The following ANXA13 variants were observed in gnomAD, a reference collection of about 807,000 sequenced individuals.
ANXA13 encodes annexin A13, also known as annexin XIII.
Under a neutral mutation model 46.6 loss-of-function variants are expected in ANXA13, and 36 were observed. That is an observed-to-expected ratio of 0.77 (90% CI 0.59 to 1.02). The LOEUF is 1.02. Ranked by LOEUF, ANXA13 falls within the 50% of genes least tolerant of loss-of-function variation. The pLI, the probability that ANXA13 is intolerant of heterozygous loss-of-function variation, is 0.00. For synonymous variants in ANXA13, 163 were observed against 152.9 expected (o/e 1.07, Z -0.49); for missense variants, 417 against 396.5 (o/e 1.05, Z -0.44).
At chr8:123,698,252 G>A in intron 4 of ANXA13, 137 bp downstream of exon 4, 1 of 897,312 alleles carries the variant, frequency 1.1e-6, no homozygotes. Flanking sequence ...CTCCCACATG[G>A]ACCAAGCACA....
rs940945951 is a variant in ANXA13 at position 123,693,237 on chromosome 8, C to G, written c.602G>C (p.Ser201Thr). 4.3e-6 allele frequency: 7 copies of G among 1,614,078 alleles called. No homozygotes were observed. In the African/African-American group the frequency reaches 9.3e-5, roughly 22 times the overall value. The change falls in exon 8 of 11, where the codon AGC becomes ACC. Residue 201 changes from serine (S) to threonine (T), a missense_variant. Coordinates refer to ENST00000419625, the MANE Select transcript of ANXA13 (RefSeq NM_004306.4). ...LAFNEVLAKR[S>T]YKQLRATFQA... ...AAAGGTGGCTCGTAACTGCTTGTAGCTCCTCTTGGCCAGGACTTCATTGAA... is the reference window on the plus strand; with the variant it reads ...AAAGGTGGCTCGTAACTGCTTGTAGGTCCTCTTGGCCAGGACTTCATTGAA...
At chr8:123,701,113 C>T (rs970135678) in intron 3 of ANXA13, among the ~76,000 whole-genome samples, 3 of 151,744 alleles carry the variant, frequency 2.0e-5, no homozygotes, top group Non-Finnish European at 4.4e-5. Flanking sequence ...CCTGGACTGA[C>T]TTTTCATATT....
chr8:123,717,787 CG>C (rs1422298930), intron 1 of ANXA13, among the ~76,000 whole-genome samples: 1 of 152,202 alleles, frequency 6.6e-6, no homozygotes, highest in African/African-American at 2.4e-5. Context: ...GACTTTCTGA[CG>C]GGGCGTGTCT....
In ANXA13 at chr8:123,702,700, C is replaced by A. The variant is rs755388667; in HGVS notation, c.128G>T (p.Gly43Val). ...NEAAIIEILS[G>V]RTSDERQQIK... ...TTGTTGCCTCTCATCTGATGTCCTG[C>A]CCGATAAGATTTCAATGATGGCTGC... Residue 43 changes from glycine to valine, a missense_variant, in exon 3 of 11, where the codon GGC becomes GTC. Gly to Val is a moderately radical substitution (Grantham distance 109). Coordinates refer to ENST00000419625, the MANE Select transcript of ANXA13 (RefSeq NM_004306.4). 2 of 1,613,992 alleles carry A rather than the reference C, an allele frequency of 1.2e-6. No homozygotes were observed. Among genetic ancestry groups the A allele is most frequent in the East Asian group, 2.2e-5 (1 of 44,872 alleles).
At chr8:123,735,678 A>G in intron 1 of ANXA13, 2 of 1,453,918 alleles carry the variant, frequency 1.4e-6, no homozygotes, top group Non-Finnish European at 1.8e-6. Context: ...AACATGACAG[A>G]TCACTGGGGG....
rs112185912 is a variant in ANXA13, at chr8:123,684,659, G to A, written c.782C>T (p.Ala261Val). 61 of 1,614,038 alleles carry A rather than the reference G, an allele frequency of 3.8e-5. No homozygotes were observed. The highest frequency in any genetic ancestry group is 2.7e-4 in the East Asian group (12 of 44,882). ...AERLYKSMKG[A>V]GTDEETLIRI... Reference sequence around the variant, plus strand: ...AATCAACGTCTCCTCATCGGTCCCCGCACCCTTCATCGACTTGTACAGACG... The same window carrying A: ...AATCAACGTCTCCTCATCGGTCCCCACACCCTTCATCGACTTGTACAGACG... The change falls in exon 10 of 11, where the codon GCG (alanine) becomes GTG (valine). Residue 261 changes from alanine (A) to valine (V), a missense_variant. Coordinates refer to ENST00000419625, the MANE Select transcript of ANXA13 (RefSeq NM_004306.4).
At chr8:123,734,453 A>G (rs1328309613) in intron 1 of ANXA13, among the ~76,000 whole-genome samples, 1 of 152,132 alleles carries the variant, frequency 6.6e-6, no homozygotes, top group East Asian at 1.9e-4. Context: ...GATTTGGCGG[A>G]TGATAATGAC....
At chr8:123,720,670 G>C (rs1311997377) in intron 1 of ANXA13, among the ~76,000 whole-genome samples, 1 of 151,102 alleles carries the variant, frequency 6.6e-6, no homozygotes, top group African/African-American at 2.4e-5. Flanking sequence ...GTGTGTGTGT[G>C]TGTGTGTGTG....
intron 9 of ANXA13, among the ~76,000 whole-genome samples, chr8:123,688,199 T>C (rs779532422): frequency 5.9e-5 from 9 of 152,186 alleles, no homozygotes; most frequent in African/African-American, 1.4e-4. Flanking sequence ...AATTCAATCA[T>C]GGGAGTGGTT....
intron 2 of ANXA13, among the ~76,000 whole-genome samples, chr8:123,709,819 G>A (rs774167904): frequency 1.3e-5 from 2 of 152,268 alleles, no homozygotes; most frequent in Non-Finnish European, 2.9e-5. Context: ...GTGCAGTGGT[G>A]CCATCTCAGC....
chr8:123,727,040 T>C (rs1814013257), intron 1 of ANXA13, among the ~76,000 whole-genome samples: 1 of 152,112 alleles, frequency 6.6e-6, no homozygotes, highest in African/African-American at 2.4e-5. Flanking sequence ...CAATGGATTT[T>C]TGGGACTTGG....
At chr8:123,707,077 G>C (rs530719352) in intron 2 of ANXA13, among the ~76,000 whole-genome samples, 40 of 152,310 alleles carry the variant, frequency 2.6e-4, no homozygotes, top group Admixed American at 3.9e-4. Context: ...AATTCCACGG[G>C]AGCAGAGTAT....
chr8:123,691,861 T>C (rs1813249434), intron 8 of ANXA13, among the ~76,000 whole-genome samples: 1 of 152,160 alleles, frequency 6.6e-6, no homozygotes, highest in South Asian at 2.1e-4. Context: ...CTGGAGAGTG[T>C]ACTTTCAGGT....
rs201212750 is a variant in ANXA13 at position 123,681,293 on chromosome 8, G to C, written c.898C>G (p.Arg300Gly). The change falls in exon 11 of 11, where the codon CGC becomes GGC. Residue 300 changes from arginine (R) to glycine (G), a missense_variant. Arg to Gly is a moderately radical substitution (Grantham distance 125, BLOSUM62 -2). Coordinates refer to ENST00000419625, the MANE Select transcript of ANXA13 (RefSeq NM_004306.4). ...KYQKSLSDMV[R>G]SDTSGDFRKL... ...CGGAAGTCCCCGGAGGTATCTGAGC[G>C]AACCATGTCAGAGAGAGACTTCTGA... 3 of 1,614,180 alleles carry C rather than the reference G, an allele frequency of 1.9e-6. No individual in the cohort carries two copies. The highest frequency in any genetic ancestry group is 2.2e-5 in the East Asian group (1 of 44,888).
chr8:123,729,516 C>A (rs1814068862), intron 1 of ANXA13, among the ~76,000 whole-genome samples: 1 of 152,148 alleles, frequency 6.6e-6, no homozygotes, highest in Admixed American at 6.5e-5. Context: ...ATTTTCCTCC[C>A]TGATAGGGGA....
At chr8:123,689,711 G>T (rs1813199762) in intron 8 of ANXA13, among the ~76,000 whole-genome samples, 1 of 152,102 alleles carries the variant, frequency 6.6e-6, no homozygotes, top group African/African-American at 2.4e-5. Flanking sequence ...CACAAATACT[G>T]CCCGGGCCAA....
chr8:123,689,034 A>G (rs1563605253), intron 8 of ANXA13, 88 bp from the exon 9 acceptor site: 1 of 1,285,096 alleles, frequency 7.8e-7, no homozygotes, highest in Non-Finnish European at 1.1e-6. Flanking sequence ...AAAGCACTCA[A>G]GTTTTCCAGA....
chr8:123,708,531 G>A (rs1291162610), intron 2 of ANXA13, among the ~76,000 whole-genome samples: 1 of 152,188 alleles, frequency 6.6e-6, no homozygotes, highest in Non-Finnish European at 1.5e-5. Context: ...GCACTGCTGG[G>A]CCGCGCAGTC....
At chr8:123,714,630 T>C (rs973739260) in intron 1 of ANXA13, among the ~76,000 whole-genome samples, 3 of 152,174 alleles carry the variant, frequency 2.0e-5, no homozygotes, top group South Asian at 4.1e-4. Flanking sequence ...TGAAGGTGAG[T>C]TGGCTTGAGG....
Sources: allele counts gnomAD v4.1 joint callset (sites outside exome capture counted in the v4.1 genomes callset), GRCh38; gene constraint gnomAD v4.1.1; transcripts MANE v1.5; gene names NCBI Gene and HGNC (gene_info 2026-07-23, HGNC 2026-07-21).